The following PLBD2 variants were observed in gnomAD, a reference collection of about 807,000 sequenced individuals.
PLBD2 encodes phospholipase B domain containing 2.
PLBD2 carries 51 observed loss-of-function variants against 68.3 expected under a neutral mutation model. The ratio of observed to expected loss-of-function variants is 0.75; its 90% CI spans 0.60 to 0.94. The LOEUF is 0.94. Among genes scored for constraint, PLBD2 ranks in the 40% least tolerant of loss-of-function variants. PLBD2 has a pLI of 0.00. For missense variants in PLBD2, 729 were observed against 792.2 expected (o/e 0.92, Z 0.96); for synonymous variants, 314 against 339.3 (o/e 0.93, Z 0.82).
intron 5 of PLBD2, among the ~76,000 whole-genome samples, chr12:113,379,799 C>T (rs367593713): frequency 1.4e-4 from 21 of 151,302 alleles, no homozygotes; most frequent in East Asian, 9.7e-4. Context: ...GCAAAAAGAG[C>T]GAAACTCTGT....
intron 5 of PLBD2, among the ~76,000 whole-genome samples, chr12:113,378,835 A>G (rs1381774121): frequency 6.6e-6 from 1 of 151,762 alleles, no homozygotes; most frequent in Non-Finnish European, 1.5e-5. Context: ...ACGGGCATGC[A>G]CCCCCAACCT....
At position 113,384,041 on chromosome 12, in the gene PLBD2, G is replaced by C; in HGVS notation, c.958-64G>C. On this transcript the variant is annotated intron_variant, in intron 6 of 11. Coordinates refer to ENST00000280800, the MANE Select transcript of PLBD2 (RefSeq NM_173542.4). This position sits in a 1 kb window ranked among gnomAD's most constrained non-coding sequence, Gnocchi z 4.2. ...AAAAATTTTTGGAGCCATGACTGAT[G>C]AAGTACTGCCACTTGGTGGCAGCAT... 8.8e-7 allele frequency: 1 copy of C among 1,131,938 alleles called. No individual in the cohort carries two copies. The highest frequency in any genetic ancestry group is 1.2e-6 in the Non-Finnish European group (1 of 825,484). The allele number at this position is 1,131,938 out of a possible 1,614,324, so 70.1% of individuals were successfully genotyped here. A position where few individuals can be genotyped will look rare whatever the true frequency, so the allele number is the denominator to read the frequency against.
rs202026874 is a variant in PLBD2 at position 113,372,637 on chromosome 12, C to T, written c.385-12C>T. On this transcript the variant is annotated splice_polypyrimidine_tract_variant and intron_variant, in intron 2 of 11. Transcript: ENST00000280800. This position sits in a 1 kb window ranked among gnomAD's most constrained non-coding sequence, Gnocchi z 4.2. ...CTGCCCGCCCTTGCCTCGCCCACCCCCTACCCCACAGCTCATCTACATGCA... is the reference window on the plus strand; with the variant it reads ...CTGCCCGCCCTTGCCTCGCCCACCCTCTACCCCACAGCTCATCTACATGCA... 9.5e-4 allele frequency: 1,525 copies of T among 1,611,516 alleles called. 26 individuals are homozygous for T. In the Admixed American group the frequency reaches 0.024, roughly 25 times the overall value.
intron 5 of PLBD2, among the ~76,000 whole-genome samples, chr12:113,376,106 G>A (rs1231587145): frequency 6.6e-6 from 1 of 151,194 alleles, no homozygotes; most frequent in Non-Finnish European, 1.5e-5. Flanking sequence ...TGCCCACTTT[G>A]GCCTCCTAAA....
intron 6 of PLBD2, 68 bp downstream of exon 6, chr12:113,380,910 G>A: frequency 7.0e-7 from 1 of 1,435,118 alleles, no homozygotes; most frequent in Non-Finnish European, 9.5e-7. Context: ...GAGCTGGCAG[G>A]ATTGATTCCT....
chr12:113,380,000 A>AG, intron 5 of PLBD2, among the ~76,000 whole-genome samples: 1 of 152,236 alleles, frequency 6.6e-6, no homozygotes, highest in Non-Finnish European at 1.5e-5. Context: ...CTGTTTACCT[A>AG]TAACATATAC....
intron 1 of PLBD2, among the ~76,000 whole-genome samples, chr12:113,364,498 T>C (rs910970088): frequency 6.6e-6 from 1 of 151,764 alleles, no homozygotes; most frequent in African/African-American, 2.4e-5. Flanking sequence ...AGACAGCATC[T>C]TGCTCTATTG....
intron 1 of PLBD2, among the ~76,000 whole-genome samples, 185 bp downstream of exon 1, chr12:113,359,075 C>T (rs532901209): frequency 2.6e-5 from 4 of 152,364 alleles, no homozygotes; most frequent in Middle Eastern, 3.4e-3. Flanking sequence ...CTGGCTACTG[C>T]GGCATCCCTC....
chr12:113,379,404 G>C (rs1957464776), intron 5 of PLBD2, among the ~76,000 whole-genome samples: 2 of 151,600 alleles, frequency 1.3e-5, no homozygotes, highest in South Asian at 4.2e-4. Flanking sequence ...TAGAATCCCT[G>C]CTCAGCCATT....
Position 113,384,358 on chromosome 12 carries a change from A to G in PLBD2, c.1118+93A>G, listed in dbSNP as rs1957528153. On this transcript the variant is annotated intron_variant, in intron 7 of 11. Coordinates refer to ENST00000280800, the MANE Select transcript of PLBD2 (RefSeq NM_173542.4). This position sits in a 1 kb window ranked among gnomAD's most constrained non-coding sequence, Gnocchi z 4.2. ...CACACTCCTGGGGACCAGATGTGGC[A>G]TCCGGGCCACACACCCCACGCCCTC... 1.0e-5 allele frequency: 15 copies of G among 1,446,274 alleles called. No homozygotes were observed. Among genetic ancestry groups the G allele is most frequent in the African/African-American group, 1.4e-5 (1 of 71,082 alleles). The allele number at this position is 1,446,274 out of a possible 1,614,324, so 89.6% of individuals were successfully genotyped here. A position where few individuals can be genotyped will look rare whatever the true frequency, so the allele number is the denominator to read the frequency against.
chr12:113,380,426 C>T (rs1364507479), intron 5 of PLBD2, among the ~76,000 whole-genome samples: 1 of 152,208 alleles, frequency 6.6e-6, no homozygotes, highest in Non-Finnish European at 1.5e-5. Flanking sequence ...TGAGCCACTG[C>T]ACCCAGCTGT....
chr12:113,371,176 A>G (rs751336869), intron 2 of PLBD2, among the ~76,000 whole-genome samples: 10 of 152,248 alleles, frequency 6.6e-5, no homozygotes, highest in Non-Finnish European at 1.2e-4. Context: ...GTTGACATCA[A>G]CTTGTGGAGT....
At chr12:113,366,839 C>G (rs961110077) in intron 1 of PLBD2, among the ~76,000 whole-genome samples, 9 of 105,068 alleles carry the variant, frequency 8.6e-5, no homozygotes, top group Admixed American at 2.3e-4. Context: ...TTTTCTTTTT[C>G]TAGACAGAGT....
intron 1 of PLBD2, among the ~76,000 whole-genome samples, chr12:113,367,852 T>A (rs1212975444): frequency 6.7e-6 from 1 of 149,968 alleles, no homozygotes; most frequent in African/African-American, 2.5e-5. Context: ...GAGGCTGAGG[T>A]GGGCGGATCT....
rs1208640486 is a variant in PLBD2, at chr12:113,389,771, ATC to A, written c.*1149_*1150del. 2 of 151,800 alleles carry A rather than the reference ATC, an allele frequency of 1.3e-5. No homozygotes were observed. The highest frequency in any genetic ancestry group is 4.8e-5 in the African/African-American group (2 of 41,294). The allele number at this position is 151,800 out of a possible 1,614,324, so 9.4% of individuals were successfully genotyped here. On this transcript the variant is annotated 3_prime_UTR_variant, in exon 12 of 12. Coordinates refer to ENST00000280800, the MANE Select transcript of PLBD2 (RefSeq NM_173542.4). Reference sequence around the variant, plus strand: ...GCCCAGGCTGGAGTGCAATGGCATAATCTCTGCTCACTGCAACCTCTGCTTCC... The same window carrying A: ...GCCCAGGCTGGAGTGCAATGGCATAATCTGCTCACTGCAACCTCTGCTTCC...
chr12:113,361,327 GT>G (rs1365358257), intron 1 of PLBD2, among the ~76,000 whole-genome samples: 62 of 127,834 alleles, frequency 4.9e-4, no homozygotes, highest in Middle Eastern at 3.9e-3. Flanking sequence ...TTTAAAAAAG[GT>G]TTTTTTTTTT....
chr12:113,385,162 A>G (rs375090972), intron 8 of PLBD2, 50 bp from the exon 9 acceptor site: 166 of 1,588,492 alleles, frequency 1.0e-4, no homozygotes, highest in African/African-American at 2.0e-4. Flanking sequence ...CAGTGCCCAC[A>G]GGAGCCCCTT....
intron 1 of PLBD2, among the ~76,000 whole-genome samples, chr12:113,362,410 A>T (rs1444440714): frequency 6.6e-6 from 1 of 152,058 alleles, no homozygotes; most frequent in Non-Finnish European, 1.5e-5. Context: ...ATCCAAGGCC[A>T]TACTAGACTG....
chr12:113,386,948 C>CTG lies in PLBD2; in HGVS notation c.1302_1303dup (p.Phe435CysfsTer10). 6.2e-7 allele frequency: 1 copy of CTG among 1,613,174 alleles called. No individual in the cohort carries two copies. The highest frequency in any genetic ancestry group is 8.5e-7 in the Non-Finnish European group (1 of 1,179,610). On this transcript the variant is annotated frameshift_variant, in exon 10 of 12. Coordinates refer to ENST00000280800, the MANE Select transcript of PLBD2 (RefSeq NM_173542.4). LOFTEE classifies it high-confidence loss of function. Reference sequence around the variant, plus strand: ...CTTGTCCCCGGCAGGTCCTTCGAGACTGTGTTCAATGCCAGTGGGCTGCAG... The same window carrying CTG: ...CTTGTCCCCGGCAGGTCCTTCGAGACTGTGTGTTCAATGCCAGTGGGCTGCAG...
Sources: allele counts gnomAD v4.1 joint callset (sites outside exome capture counted in the v4.1 genomes callset), GRCh38; gene constraint gnomAD v4.1.1; non-coding constraint Gnocchi (gnomAD v3.1); transcripts MANE v1.5; gene names NCBI Gene and HGNC (gene_info 2026-07-23, HGNC 2026-07-21).